Variants in ARHGEF3 observed in about 807,000 individuals in gnomAD.
ARHGEF3 encodes the protein 59.8 kDA protein.
ARHGEF3 carries 28 observed loss-of-function variants against 63.2 expected under a neutral mutation model. That is an observed-to-expected ratio of 0.44 (90% CI 0.33 to 0.61). The LOEUF is 0.61. Among genes scored for constraint, ARHGEF3 ranks in the 20% least tolerant of loss-of-function variants. The pLI, the probability that ARHGEF3 is intolerant of heterozygous loss-of-function variation, is 0.03. For missense variants in ARHGEF3, 533 were observed against 659.3 expected (o/e 0.81, Z 2.10); for synonymous variants, 266 against 254.2 (o/e 1.05, Z -0.44).
Position 56,728,019 on chromosome 3 carries a change from A to C in ARHGEF3, c.*1251T>G, listed in dbSNP as rs1391768759. The C allele has an allele frequency of 6.6e-6, 1 of 152,648 alleles. No homozygotes were observed. The highest frequency in any genetic ancestry group is 6.5e-5 in the Admixed American group (1 of 15,274). 9.5% of individuals were successfully genotyped at this position (152,648 alleles called of 1,614,324 possible). A position where few individuals can be genotyped will look rare whatever the true frequency, so the allele number is the denominator to read the frequency against. ...GTATAATTTTGCACAGGTCATCCTTAATATTTACACTTGCAGGGAGCTCTT... is the reference window on the plus strand; with the variant it reads ...GTATAATTTTGCACAGGTCATCCTTCATATTTACACTTGCAGGGAGCTCTT... On this transcript the variant is annotated 3_prime_UTR_variant, in exon 10 of 10. Coordinates refer to ENST00000296315, the MANE Select transcript of ARHGEF3 (RefSeq NM_019555.3).
chr3:57,040,494 GAA>G lies in ARHGEF3; in HGVS notation c.-27-5320_-27-5319del, dbSNP rs1028755750. Among the ~76,000 whole-genome samples, 348 of 152,010 alleles carry G rather than the reference GAA, an allele frequency of 2.3e-3. 2 individuals carry two copies. The highest frequency in any genetic ancestry group is 7.9e-3 in the African/African-American group (329 of 41,424). On this transcript the variant is annotated intron_variant, in intron 1 of 12. Coordinates refer to the ARHGEF3 transcript ENST00000338458. Reference sequence around the variant, plus strand: ...TCCGTCAAAAGAAAAGAAAAGAAAAGAAAAGAAAATACCAAAACAGGTAAAAC... The same window carrying G: ...TCCGTCAAAAGAAAAGAAAAGAAAAGAAGAAAATACCAAAACAGGTAAAAC...
intron 1 of ARHGEF3, among the ~76,000 whole-genome samples, chr3:56,777,767 A>G (rs1022389205): frequency 6.6e-6 from 1 of 152,092 alleles, no homozygotes; most frequent in Non-Finnish European, 1.5e-5. Context: ...CTCTACCCCT[A>G]TTGAGCCTCA....
At chr3:56,806,150 TC>T (rs1363931781), upstream of ARHGEF3, among the ~76,000 whole-genome samples, 19 of 152,250 alleles carry the variant, frequency 1.2e-4, no homozygotes, top group Admixed American at 1.2e-3. Flanking sequence ...TTCAGCACCT[TC>T]CCCATATGTA....
chr3:56,909,631 G>C (rs560689763), intron 3 of ARHGEF3, among the ~76,000 whole-genome samples: 1 of 152,304 alleles, frequency 6.6e-6, no homozygotes, highest in African/African-American at 2.4e-5. Flanking sequence ...GCACTCAAGA[G>C]GTACCAGTAC....
chr3:56,887,614 C>T (rs1477135199), intron 3 of ARHGEF3, among the ~76,000 whole-genome samples: 1 of 152,158 alleles, frequency 6.6e-6, no homozygotes, highest in Non-Finnish European at 1.5e-5. Flanking sequence ...TACCTGGGGG[C>T]GTTCCCAGGC....
At position 56,885,367 on chromosome 3, in the gene ARHGEF3, T is replaced by C. The variant is rs370721525; in HGVS notation, c.130-3013A>G. ...ATGTTGGGCGACAAGACCTGGCACA[T>C]AGTAGGTGCACAGTAAGTGGCAGCT... On this transcript the variant is annotated intron_variant, in intron 3 of 12. Transcript: ENST00000338458. 3.3e-5 allele frequency among the ~76,000 whole-genome samples: 5 copies of C among 152,268 alleles called. 1 individual carries two copies. Among genetic ancestry groups the C allele is most frequent in the East Asian group, 3.9e-4 (2 of 5,176 alleles).
At chr3:57,007,273 T>C (rs1318737236) in intron 2 of ARHGEF3, 6 of 1,289,616 alleles carry the variant, frequency 4.7e-6, no homozygotes, top group African/African-American at 3.0e-5. Flanking sequence ...ACTTTCTCAA[T>C]AGCCTGAAAA....
chr3:56,736,637 C>A lies in ARHGEF3; in HGVS notation c.1041+548G>T, dbSNP rs2033642343. Among the ~76,000 whole-genome samples, 3 of 152,190 alleles carry A rather than the reference C, an allele frequency of 2.0e-5. No homozygotes were observed. The South Asian group carries it at 6.2e-4, about 32-fold the overall frequency. On this transcript the variant is annotated intron_variant, in intron 8 of 9. Coordinates refer to ENST00000296315, the MANE Select transcript of ARHGEF3 (RefSeq NM_019555.3). ...ACTGTTCTGCATTTGTTTCTCAAAG[C>A]CAAGATCAGACAAAATAAATAGCTG...
intron 3 of ARHGEF3, among the ~76,000 whole-genome samples, chr3:56,924,200 T>C (rs1031324040): frequency 6.6e-6 from 1 of 152,222 alleles, no homozygotes; most frequent in African/African-American, 2.4e-5. Flanking sequence ...CTGCACAAAC[T>C]AAATGATGTG....
chr3:57,042,169 G>A (rs1704213208), intron 1 of ARHGEF3, among the ~76,000 whole-genome samples: 3 of 152,060 alleles, frequency 2.0e-5, no homozygotes, highest in Non-Finnish European at 2.9e-5. Context: ...AAGTTCCTAT[G>A]CCCCAGGAGG....
At chr3:56,896,933 A>C (rs1471699375) in intron 3 of ARHGEF3, among the ~76,000 whole-genome samples, 3 of 152,222 alleles carry the variant, frequency 2.0e-5, no homozygotes, top group Non-Finnish European at 4.4e-5. Flanking sequence ...AAATTTCTCT[A>C]CTGGAAAGTT....
rs2032930243 is a variant in ARHGEF3, at chr3:56,729,265, T to C, written c.*5A>G. 1 of 1,606,512 alleles carries C rather than the reference T, an allele frequency of 6.2e-7. No individual in the cohort carries two copies. Among genetic ancestry groups the C allele is most frequent in the Non-Finnish European group, 8.5e-7 (1 of 1,175,470 alleles). On this transcript the variant is annotated 3_prime_UTR_variant, in exon 10 of 10. Coordinates refer to ENST00000296315, the MANE Select transcript of ARHGEF3 (RefSeq NM_019555.3). ...GGCCTGCTTCCCGAAGTGCACATGC[T>C]TCTGTCAGACGTTACTTTCACCGTG...
chr3:56,773,840 AG>A, intron 1 of ARHGEF3, 24 bp from the exon 2 acceptor site: 1 of 1,478,694 alleles, frequency 6.8e-7, no homozygotes, highest in Non-Finnish European at 9.2e-7. Context: ...AAAAAAAAAA[AG>A]TAAAATGTCA....
intron 1 of ARHGEF3, among the ~76,000 whole-genome samples, chr3:56,801,456 G>C (rs2037644097): frequency 6.6e-6 from 1 of 152,270 alleles, no homozygotes; most frequent in South Asian, 2.1e-4. Flanking sequence ...GAGGGACAGG[G>C]AGAGAGGAGG....
At chr3:56,796,282 C>T (rs758005529) in intron 1 of ARHGEF3, among the ~76,000 whole-genome samples, 2 of 152,102 alleles carry the variant, frequency 1.3e-5, no homozygotes, top group African/African-American at 4.8e-5. Flanking sequence ...AGGATTTTTA[C>T]GGGCAATCAC....
intron 1 of ARHGEF3, among the ~76,000 whole-genome samples, chr3:57,064,693 A>T (rs930729129): frequency 2.6e-5 from 4 of 152,234 alleles, no homozygotes; most frequent in Admixed American, 6.5e-5. Context: ...TCACAAAAGG[A>T]CAAATATGGC....
intron 1 of ARHGEF3, among the ~76,000 whole-genome samples, chr3:57,044,245 A>C (rs1704350521): frequency 6.6e-6 from 1 of 152,244 alleles, no homozygotes; most frequent in South Asian, 2.1e-4. Flanking sequence ...GAAAGATGAT[A>C]CAAACCTGCT....
intron 2 of ARHGEF3, among the ~76,000 whole-genome samples, chr3:56,967,718 CAT>C (rs1461148252): frequency 1.4e-4 from 9 of 63,446 alleles, no homozygotes; most frequent in African/African-American, 2.5e-4. Flanking sequence ...TTATATATAA[CAT>C]ATATACTGGT....
intron 4 of ARHGEF3, among the ~76,000 whole-genome samples, chr3:56,850,225 C>T (rs2108143390): frequency 6.6e-6 from 1 of 152,238 alleles, no homozygotes; most frequent in East Asian, 1.9e-4. Flanking sequence ...ACCAGAATTT[C>T]TTTATAAACT....
Sources: gnomAD v4.1 joint callset for allele counts (sites outside exome capture counted in the v4.1 genomes callset) on GRCh38, gnomAD v4.1.1 for gene constraint, MANE v1.5 for transcripts, NCBI Gene and HGNC (gene_info 2026-07-23, HGNC 2026-07-21) for gene names.